The following CNTNAP5 variants were observed in gnomAD, a reference collection of about 807,000 sequenced individuals.
CNTNAP5 encodes contactin-associated protein-like 5.
A neutral mutation model predicts 150.2 loss-of-function variants in CNTNAP5; 72 were observed. The ratio of observed to expected loss-of-function variants is 0.48; its 90% CI spans 0.40 to 0.58. The LOEUF is 0.58. Ranked by LOEUF, CNTNAP5 falls within the 20% of genes least tolerant of loss-of-function variation. CNTNAP5 has a pLI of 0.00. For missense variants in CNTNAP5, 1,636 were observed against 1,626.2 expected, an observed-to-expected ratio of 1.01 and a Z score of -0.10; for synonymous variants, 672 against 619.8, an observed-to-expected ratio of 1.08 and a Z score of -1.25.
Position 124,331,060 on chromosome 2 carries a change from C to G in CNTNAP5, c.382-86383C>G, listed in dbSNP as rs113847003. On this transcript the variant is annotated intron_variant, in intron 3 of 23. Coordinates refer to ENST00000682447, the MANE Select transcript of CNTNAP5 (RefSeq NM_001367498.1). ...TATCAGAAATTACCAGAAACTCATA[C>G]TTGTCGGAGTCCTTTTTTTTCCATA... Among the ~76,000 whole-genome samples, 578 of 152,200 alleles carry G rather than the reference C, an allele frequency of 3.8e-3. 4 individuals carry two copies. The highest frequency in any genetic ancestry group is 0.013 in the African/African-American group (557 of 41,564).
In CNTNAP5 at chr2:124,746,944, ATGGGCACATATAGATGTAGAAAT is replaced by A. The variant is rs565266314; in HGVS notation, c.2078-284_2078-262del. On this transcript the variant is annotated intron_variant, in intron 13 of 23. Coordinates refer to ENST00000682447, the MANE Select transcript of CNTNAP5 (RefSeq NM_001367498.1). Reference sequence around the variant, plus strand: ...AAATGTCGTTTATATGTGTACATATATGGGCACATATAGATGTAGAAATACAAATTTAAATATATAGAAAGAGT... The same window carrying A: ...AAATGTCGTTTATATGTGTACATATAACAAATTTAAATATATAGAAAGAGT... Among the ~76,000 whole-genome samples, 599 of 152,214 alleles carry A rather than the reference ATGGGCACATATAGATGTAGAAAT, an allele frequency of 3.9e-3. 3 individuals are homozygous for A. The highest frequency in any genetic ancestry group is 0.014 in the African/African-American group (565 of 41,548).
intron 7 of CNTNAP5, among the ~76,000 whole-genome samples, chr2:124,502,765 G>A (rs1485401986): frequency 1.3e-5 from 2 of 152,150 alleles, no homozygotes; most frequent in African/African-American, 4.8e-5. Flanking sequence ...GAGATACCAA[G>A]AGCAAGTTGG....
intron 7 of CNTNAP5, among the ~76,000 whole-genome samples, chr2:124,483,978 C>G (rs1693813850): frequency 6.6e-6 from 1 of 152,188 alleles, no homozygotes; most frequent in Admixed American, 6.5e-5. Flanking sequence ...GTTTGTTTCT[C>G]CATCTTGATC....
intron 1 of CNTNAP5, among the ~76,000 whole-genome samples, chr2:124,101,114 C>T (rs1021642973): frequency 3.6e-4 from 55 of 151,930 alleles, no homozygotes; most frequent in African/African-American, 1.1e-3. Context: ...AGGAGATATG[C>T]GAATGCTTGG....
chr2:124,614,025 A>G (rs956144727), intron 12 of CNTNAP5, among the ~76,000 whole-genome samples: 4 of 152,170 alleles, frequency 2.6e-5, no homozygotes, highest in Non-Finnish European at 5.9e-5. Flanking sequence ...TTAAAGAGTA[A>G]GCTTCCAGAG....
At chr2:124,597,941 C>T (rs1696870983) in intron 11 of CNTNAP5, among the ~76,000 whole-genome samples, 1 of 129,838 alleles carries the variant, frequency 7.7e-6, no homozygotes, top group African/African-American at 2.8e-5. Context: ...CGCATCGGCT[C>T]CTGAGGCTTC....
intron 1 of CNTNAP5, among the ~76,000 whole-genome samples, chr2:124,142,052 C>T (rs1684125494): frequency 6.8e-6 from 1 of 147,910 alleles, no homozygotes; most frequent in Non-Finnish European, 1.5e-5. Flanking sequence ...AAGGCCATTA[C>T]ATAATGGTAA....
chr2:124,458,861 T>C (rs1240283432), intron 6 of CNTNAP5, among the ~76,000 whole-genome samples: 1 of 152,140 alleles, frequency 6.6e-6, no homozygotes, highest in African/African-American at 2.4e-5. Flanking sequence ...GAAATGCTAA[T>C]CCATGCTAAA....
rs573099778 is a variant in CNTNAP5, at chr2:124,339,818, T to C, written c.382-77625T>C. Among the ~76,000 whole-genome samples the C allele has an allele frequency of 1.6e-3, 246 of 152,122 alleles. 2 individuals carry two copies. Among genetic ancestry groups the C allele is most frequent in the African/African-American group, 5.7e-3 (236 of 41,488 alleles). ...GGGGTGAGGGAATGGGTGATGCCGA[T>C]TGGTTGGAGATGAAATCACAGGGGT... is the stretch of plus-strand genomic sequence containing the variant. On this transcript the variant is annotated intron_variant, in intron 3 of 23. Coordinates refer to ENST00000682447, the MANE Select transcript of CNTNAP5 (RefSeq NM_001367498.1).
At chr2:124,179,120 A>G (rs986343740) in intron 1 of CNTNAP5, among the ~76,000 whole-genome samples, 4 of 150,986 alleles carry the variant, frequency 2.6e-5, no homozygotes, top group East Asian at 3.9e-4. Flanking sequence ...ATTCTCATGT[A>G]CCTGCACTCA....
chr2:124,145,837 A>AAAG (rs1684236128), intron 1 of CNTNAP5, among the ~76,000 whole-genome samples: 2 of 46,960 alleles, frequency 4.3e-5, no homozygotes, highest in East Asian at 5.3e-4. Context: ...AAGAAGAAAA[A>AAAG]AAAAAAAAAT....
intron 1 of CNTNAP5, among the ~76,000 whole-genome samples, chr2:124,118,508 A>G (rs1223962835): frequency 6.6e-6 from 1 of 152,212 alleles, no homozygotes; most frequent in Non-Finnish European, 1.5e-5. Context: ...AAGCTAGTTC[A>G]CTGTGTACAC....
intron 3 of CNTNAP5, among the ~76,000 whole-genome samples, chr2:124,361,572 G>T (rs1312841049): frequency 6.9e-6 from 1 of 144,850 alleles, no homozygotes; most frequent in Admixed American, 6.8e-5. Context: ...CCTGCCTTGT[G>T]AGGTGTCAGT....
chr2:124,609,741 C>A, intron 11 of CNTNAP5, 60 bp from the exon 12 acceptor site: 6 of 1,567,656 alleles, frequency 3.8e-6, no homozygotes, highest in Non-Finnish European at 5.2e-6. Flanking sequence ...GTTACTGATT[C>A]CTGCAAAGGG....
chr2:124,636,462 A>G (rs1677970435), intron 12 of CNTNAP5, among the ~76,000 whole-genome samples: 1 of 152,196 alleles, frequency 6.6e-6, no homozygotes, highest in African/African-American at 2.4e-5. Flanking sequence ...TTTTGTGTGC[A>G]TAACACCTGA....
intron 4 of CNTNAP5, among the ~76,000 whole-genome samples, chr2:124,422,041 C>T (rs1040609265): frequency 9.9e-5 from 15 of 152,202 alleles, no homozygotes; most frequent in African/African-American, 3.4e-4. Flanking sequence ...ACCTTGTCTA[C>T]TAACAGCCAG....
chr2:124,802,270 G>A (rs950438564), intron 19 of CNTNAP5, among the ~76,000 whole-genome samples: 18 of 152,160 alleles, frequency 1.2e-4, no homozygotes, highest in African/African-American at 3.4e-4. Context: ...GAAGATCAAC[G>A]TGATTCAAAG....
At chr2:124,347,922 T>TCC (rs1689780192) in intron 3 of CNTNAP5, among the ~76,000 whole-genome samples, 1 of 152,066 alleles carries the variant, frequency 6.6e-6, no homozygotes, top group East Asian at 1.9e-4. Context: ...CCTCCCAGGT[T>TCC]CACGCCATTC....
intron 12 of CNTNAP5, among the ~76,000 whole-genome samples, chr2:124,635,901 T>A (rs1677960326): frequency 6.6e-6 from 1 of 152,214 alleles, no homozygotes; most frequent in African/African-American, 2.4e-5. Context: ...TTCTCATATT[T>A]ATGTCTATTT....
Sources: allele counts gnomAD v4.1 joint callset (sites outside exome capture counted in the v4.1 genomes callset), GRCh38; gene constraint gnomAD v4.1.1; transcripts MANE v1.5; gene names NCBI Gene and HGNC (gene_info 2026-07-23, HGNC 2026-07-21).